FAM177A1: variants seen among roughly 807,000 people sequenced by gnomAD.
FAM177A1 encodes the protein family with sequence similarity 177 member A1, also known as protein FAM177A1.
FAM177A1 carries 22 observed loss-of-function variants against 26.1 expected under a neutral mutation model. The ratio of observed to expected loss-of-function variants is 0.84; its 90% CI spans 0.60 to 1.20. The LOEUF (loss-of-function observed/expected upper bound fraction) is 1.20, where lower values mean the gene tolerates loss of function less well. FAM177A1 is among the 50% of genes most tolerant of loss of function. FAM177A1 has a pLI of 0.00. For missense variants in FAM177A1, 296 were observed against 291.1 expected (o/e 1.02, Z -0.12); for synonymous variants, 95 against 99.3 (o/e 0.96, Z 0.26).
At chr14:35,058,836 A>G (rs192999120) in intron 2 of FAM177A1, among the ~76,000 whole-genome samples, 2 of 152,292 alleles carry the variant, frequency 1.3e-5, no homozygotes, top group African/African-American at 2.4e-5. Flanking sequence ...GGATCTCACC[A>G]CTACATTCCA....
intron 3 of FAM177A1, among the ~76,000 whole-genome samples, chr14:35,078,412 T>G (rs2045429442): frequency 6.6e-6 from 1 of 152,128 alleles, no homozygotes; most frequent in Admixed American, 6.5e-5. Context: ...AGTGCAGTGG[T>G]GTGATCTTGT....
At chr14:35,068,163 C>A (rs892570588) in intron 2 of FAM177A1, among the ~76,000 whole-genome samples, 1 of 152,084 alleles carries the variant, frequency 6.6e-6, no homozygotes, top group Admixed American at 6.6e-5. Flanking sequence ...ATAATTTTTC[C>A]AATATGTATT....
At chr14:35,053,672 A>G (rs1190218964) in intron 2 of FAM177A1, among the ~76,000 whole-genome samples, 1 of 152,176 alleles carries the variant, frequency 6.6e-6, no homozygotes, top group African/African-American at 2.4e-5. Flanking sequence ...TTTCAGTGTC[A>G]GAGTACTGTG....
chr14:35,050,451 T>G (rs904343546), intron 1 of FAM177A1: 5 of 152,054 alleles, frequency 3.3e-5, no homozygotes, highest in African/African-American at 1.2e-4. Flanking sequence ...TGTTAGTGCT[T>G]CCTTCATTGC....
At chr14:35,046,891 G>A in intron 1 of FAM177A1, 13 of 1,294,994 alleles carry the variant, frequency 1.0e-5, no homozygotes, top group Non-Finnish European at 1.3e-5. Context: ...CCAGCTTCTG[G>A]TCTACCAGAG....
chr14:35,056,566 T>G (rs1183219129), intron 2 of FAM177A1, among the ~76,000 whole-genome samples: 1 of 151,842 alleles, frequency 6.6e-6, no homozygotes, highest in Non-Finnish European at 1.5e-5. Context: ...AACATGTTGG[T>G]CAGGCTGGTC....
chr14:35,065,516 A>G (rs950925613), intron 2 of FAM177A1, among the ~76,000 whole-genome samples: 4 of 151,934 alleles, frequency 2.6e-5, no homozygotes, highest in Admixed American at 1.3e-4. Context: ...GAAGTTGCCA[A>G]CTGAGTATTT....
chr14:35,065,273 A>G (rs902439160), intron 2 of FAM177A1, among the ~76,000 whole-genome samples: 1 of 151,364 alleles, frequency 6.6e-6, no homozygotes, highest in Non-Finnish European at 1.5e-5. Flanking sequence ...TTGGAGGGAA[A>G]CTTTAAATAT....
In FAM177A1 at chr14:35,081,396, C is replaced by A; in HGVS notation, c.*168C>A. On this transcript the variant is annotated 3_prime_UTR_variant, in exon 5 of 5. Transcript: ENST00000280987. Reference sequence around the variant, plus strand: ...ATTTTTAGGATCTATCTAGCAAAAGCCAGATCTGAAATTCAGATATTTGTA... The same window carrying A: ...ATTTTTAGGATCTATCTAGCAAAAGACAGATCTGAAATTCAGATATTTGTA... The A allele has an allele frequency of 3.1e-6, 2 of 643,234 alleles. No homozygotes were observed. Among genetic ancestry groups the A allele is most frequent in the Non-Finnish European group, 4.8e-6 (2 of 414,640 alleles). The allele number at this position is 643,234 out of a possible 1,614,324, so 39.8% of individuals were successfully genotyped here. A position where few individuals can be genotyped will look rare whatever the true frequency, so the allele number is the denominator to read the frequency against.
At chr14:35,079,855 A>T (rs777582513) in intron 4 of FAM177A1, among the ~76,000 whole-genome samples, 14 of 152,140 alleles carry the variant, frequency 9.2e-5, no homozygotes, top group Admixed American at 3.3e-4. Context: ...AAATGGCAAA[A>T]ATATAATAGT....
chr14:35,061,313 C>T (rs904162409), intron 2 of FAM177A1, among the ~76,000 whole-genome samples: 1 of 152,126 alleles, frequency 6.6e-6, no homozygotes, highest in Middle Eastern at 3.4e-3. Context: ...CTCCCCTACC[C>T]CAGCCCCGCC....
In FAM177A1 at chr14:35,046,389, G is replaced by C; in HGVS notation, c.-75G>C. ...TCAGAGACTTGGCTAGGCGCGGCGC[G>C]AGGCGGGCGCTGGGCGGGTGAGTCC... On this transcript the variant is annotated 5_prime_UTR_variant, in exon 1 of 5. Transcript: ENST00000280987. 7.7e-7 allele frequency: 1 copy of C among 1,304,594 alleles called. No individual in the cohort carries two copies. Among genetic ancestry groups the C allele is most frequent in the Non-Finnish European group, 9.9e-7 (1 of 1,013,770 alleles). The allele number at this position is 1,304,594 out of a possible 1,614,324, so 80.8% of individuals were successfully genotyped here. A position where few individuals can be genotyped will look rare whatever the true frequency, so the allele number is the denominator to read the frequency against.
Position 35,081,250 on chromosome 14 carries a change from C to T in FAM177A1, c.*22C>T. On this transcript the variant is annotated 3_prime_UTR_variant, in exon 5 of 5. Coordinates refer to ENST00000280987, the MANE Select transcript of FAM177A1 (RefSeq NM_173607.5). ...ATAAAATGAAATGACTATCAAGCTTCAAACTCTTAAGTTTTTTTTTTTTAA... is the reference window on the plus strand; with the variant it reads ...ATAAAATGAAATGACTATCAAGCTTTAAACTCTTAAGTTTTTTTTTTTTAA... 8.3e-6 allele frequency: 13 copies of T among 1,575,228 alleles called. No homozygotes were observed. The highest frequency in any genetic ancestry group is 1.2e-5 in the South Asian group (1 of 83,650).
chr14:35,069,676 C>A (rs575289744), intron 2 of FAM177A1, among the ~76,000 whole-genome samples: 1 of 152,194 alleles, frequency 6.6e-6, no homozygotes, highest in Non-Finnish European at 1.5e-5. Context: ...CTTAATACAT[C>A]ATAAATATGA....
At chr14:35,072,716 ATCT>A (rs552157087) in intron 2 of FAM177A1, among the ~76,000 whole-genome samples, 79 of 152,162 alleles carry the variant, frequency 5.2e-4, no homozygotes, top group African/African-American at 1.8e-3. Context: ...CTGCTTTTAC[ATCT>A]TCTTCATTAT....
intron 2 of FAM177A1, among the ~76,000 whole-genome samples, chr14:35,059,030 G>A (rs1002907660): frequency 2.0e-5 from 3 of 152,026 alleles, no homozygotes; most frequent in Admixed American, 6.6e-5. Context: ...CCGCCTCCCG[G>A]GTTCACGCCA....
At chr14:35,068,826 A>G (rs1312989329) in intron 2 of FAM177A1, among the ~76,000 whole-genome samples, 1 of 152,232 alleles carries the variant, frequency 6.6e-6, no homozygotes, top group African/African-American at 2.4e-5. Flanking sequence ...GCATCTGGCA[A>G]GGGCCTTCTT....
In FAM177A1 at chr14:35,070,114, CAAAAAAAAAAAAAAAAA is replaced by C. The variant is rs746133319; in HGVS notation, c.340-7016_340-7000del. On this transcript the variant is annotated intron_variant, in intron 2 of 4. Transcript: ENST00000280987. ...TGGGCGACAGAGTGAGACTCTGTCT[CAAAAAAAAAAAAAAAAA>C]AAAAAAAAAAAAAAAAAAAGAAGTG... 2.7e-3 allele frequency among the ~76,000 whole-genome samples: 143 copies of C among 53,846 alleles called. 1 individual carries two copies. The highest frequency in any genetic ancestry group is 3.0e-3 in the Non-Finnish European group (92 of 31,128). The allele number at this position is 53,846 out of a possible 152,430, so 35.3% of individuals were successfully genotyped here.
At chr14:35,068,053 G>A (rs1390676192) in intron 2 of FAM177A1, among the ~76,000 whole-genome samples, 1 of 152,110 alleles carries the variant, frequency 6.6e-6, no homozygotes, top group Non-Finnish European at 1.5e-5. Flanking sequence ...TCTGGTTTTG[G>A]TTTTGTTGCC....
Sources: allele counts gnomAD v4.1 joint callset (sites outside exome capture counted in the v4.1 genomes callset), GRCh38; gene constraint gnomAD v4.1.1; transcripts MANE v1.5; gene names NCBI Gene and HGNC (gene_info 2026-07-23, HGNC 2026-07-21).